The following SLC7A8 variants were observed in gnomAD, a reference collection of about 807,000 sequenced individuals.
SLC7A8 encodes solute carrier family 7 member 8.
In SLC7A8, 30 loss-of-function variants were observed where a neutral mutation model predicts 51.2. The observed-to-expected ratio is 0.59, with a 90% CI of 0.44 to 0.80. The LOEUF (loss-of-function observed/expected upper bound fraction) is 0.80, where lower values mean the gene tolerates loss of function less well. Ranked by LOEUF, SLC7A8 falls within the 30% of genes least tolerant of loss-of-function variation. SLC7A8 has a pLI of 0.00. For missense variants in SLC7A8, 612 were observed against 674.4 expected (o/e 0.91, Z 1.03); for synonymous variants, 257 against 275.8 (o/e 0.93, Z 0.67).
intron 1 of SLC7A8, among the ~76,000 whole-genome samples, chr14:23,169,406 G>C (rs921308342): frequency 1.3e-5 from 2 of 152,112 alleles, no homozygotes; most frequent in South Asian, 2.1e-4. Context: ...AAAATATTGA[G>C]CTACACTAGT....
chr14:23,137,825 C>G, intron 7 of SLC7A8, 96 bp downstream of exon 7: 1 of 1,488,064 alleles, frequency 6.7e-7, no homozygotes, highest in Non-Finnish European at 9.1e-7. Flanking sequence ...GATGCCCACA[C>G]AGACCCCTGC....
chr14:23,165,190 C>G lies in SLC7A8; in HGVS notation c.508+95G>C, dbSNP rs2048942948. On this transcript the variant is annotated intron_variant, in intron 3 of 10. Transcript: ENST00000316902. The surrounding 1 kb of genome is among the most constrained non-coding windows in gnomAD (Gnocchi z 4.2). ...CTATGATCATGCGGCTGCGCTCCAG[C>G]CTGAGTGACAGAGTGAAGACTCTGT... 1.0e-5 allele frequency: 13 copies of G among 1,298,460 alleles called. No individual in the cohort carries two copies. In the South Asian group the frequency reaches 2.2e-4, roughly 22 times the overall value. 80.4% of individuals were successfully genotyped at this position (1,298,460 alleles called of 1,614,324 possible).
chr14:23,177,718 C>T (rs959560520), intron 1 of SLC7A8, among the ~76,000 whole-genome samples: 2 of 152,130 alleles, frequency 1.3e-5, no homozygotes, highest in Non-Finnish European at 1.5e-5. Context: ...GGAATGAATG[C>T]GAGCATGGTC....
At chr14:23,180,043 C>A (rs564366219) in intron 1 of SLC7A8, among the ~76,000 whole-genome samples, 1 of 151,730 alleles carries the variant, frequency 6.6e-6, no homozygotes, top group Non-Finnish European at 1.5e-5. Context: ...GTAGCTGGGA[C>A]TACAGGCATG....
At position 23,125,984 on chromosome 14, in the gene SLC7A8, G is replaced by A. The variant is rs888703298; in HGVS notation, c.*1193C>T. 2 of 152,910 alleles carry A rather than the reference G, an allele frequency of 1.3e-5. No individual in the cohort carries two copies. Among genetic ancestry groups the A allele is most frequent in the Admixed American group, 6.5e-5 (1 of 15,288 alleles). 9.5% of individuals were successfully genotyped at this position (152,910 alleles called of 1,614,324 possible). ...AGCATGACACTGAGACCTGCGAGGA[G>A]TGGGGGATTATTGGAGTTGGGGATG... On this transcript the variant is annotated 3_prime_UTR_variant, in exon 11 of 11. Coordinates refer to ENST00000316902, the MANE Select transcript of SLC7A8 (RefSeq NM_012244.4).
intron 3 of SLC7A8, among the ~76,000 whole-genome samples, chr14:23,160,325 A>C (rs188868038): frequency 1.3e-5 from 2 of 152,312 alleles, no homozygotes; most frequent in East Asian, 1.9e-4. Context: ...TAATCCCAGC[A>C]CTTTGGGAGG....
intron 1 of SLC7A8, among the ~76,000 whole-genome samples, chr14:23,173,387 C>G (rs1222487911): frequency 6.6e-6 from 1 of 152,062 alleles, no homozygotes; most frequent in Non-Finnish European, 1.5e-5. Context: ...CTCAGCTCAG[C>G]AAAGAGAAAA....
intron 10 of SLC7A8, among the ~76,000 whole-genome samples, chr14:23,127,757 C>T (rs1034881193): frequency 1.1e-4 from 17 of 152,248 alleles, no homozygotes; most frequent in African/African-American, 4.1e-4. Context: ...GCTGGGATTA[C>T]AGGCGTGAGC....
At chr14:23,168,731 T>C (rs2048962160) in intron 1 of SLC7A8, among the ~76,000 whole-genome samples, 1 of 152,200 alleles carries the variant, frequency 6.6e-6, no homozygotes, top group African/African-American at 2.4e-5. Flanking sequence ...TTCTCAGGAA[T>C]GAAGAGTGTC....
chr14:23,132,637 C>CTT (rs547398613), intron 7 of SLC7A8, among the ~76,000 whole-genome samples: 3 of 140,378 alleles, frequency 2.1e-5, no homozygotes, highest in Non-Finnish European at 1.6e-5. Context: ...TTATGATCTG[C>CTT]TTTTTTTTTT....
intron 1 of SLC7A8, among the ~76,000 whole-genome samples, chr14:23,170,448 G>A (rs2048970148): frequency 6.6e-6 from 1 of 151,872 alleles, no homozygotes; most frequent in African/African-American, 2.4e-5. Context: ...TCCTGTCTCT[G>A]TTTCTTTCGT....
At chr14:23,130,514 G>A (rs2048622210) in intron 8 of SLC7A8, among the ~76,000 whole-genome samples, 1 of 152,066 alleles carries the variant, frequency 6.6e-6, no homozygotes, top group South Asian at 2.1e-4. Flanking sequence ...TAAAATAATC[G>A]AGAAGATTTT....
chr14:23,153,417 C>T (rs1366393378), intron 3 of SLC7A8, among the ~76,000 whole-genome samples: 1 of 152,176 alleles, frequency 6.6e-6, no homozygotes, highest in Non-Finnish European at 1.5e-5. Flanking sequence ...CTCTGCTTTC[C>T]CTTGGCCGCT....
chr14:23,135,245 G>A (rs147173887), intron 7 of SLC7A8, among the ~76,000 whole-genome samples: 1,827 of 151,772 alleles, frequency 0.012, 38 homozygotes, highest in African/African-American at 0.042. Flanking sequence ...CTGCCACCAC[G>A]CTCAGCTAAT....
At position 23,165,049 on chromosome 14, in the gene SLC7A8, G is replaced by A. The variant is rs547851493; in HGVS notation, c.508+236C>T. ...TCAGAGACATGTAGACCTCCAGGGA[G>A]GATAAAAGAGGCTGTCCCTCAGACT... On this transcript the variant is annotated intron_variant, in intron 3 of 10. Transcript: ENST00000316902. This position sits in a 1 kb window ranked among gnomAD's most constrained non-coding sequence, Gnocchi z 4.2. Among the ~76,000 whole-genome samples the A allele has an allele frequency of 4.4e-4, 66 of 151,424 alleles. No individual in the cohort carries two copies. The highest frequency in any genetic ancestry group is 1.6e-3 in the African/African-American group (65 of 41,244).
chr14:23,131,348 A>C, intron 8 of SLC7A8, 113 bp downstream of exon 8: 3 of 769,838 alleles, frequency 3.9e-6, no homozygotes, highest in Non-Finnish European at 6.0e-6. Flanking sequence ...AGTGAGACCT[A>C]GCAGCAGACT....
rs560795473 is a variant in SLC7A8, at chr14:23,129,460, C to T, written c.1263+190G>A. The T allele has an allele frequency of 6.4e-5, 39 of 607,848 alleles. 1 individual carries two copies. Among genetic ancestry groups the T allele is most frequent in the Non-Finnish European group, 8.5e-5 (30 of 351,478 alleles). 37.7% of individuals were successfully genotyped at this position (607,848 alleles called of 1,614,324 possible). ...CTTATTCCCCAGCTGCAGTCTGCTCCGATCTCATCCCCAGTGGAGAATGGA... is the reference window on the plus strand; with the variant it reads ...CTTATTCCCCAGCTGCAGTCTGCTCTGATCTCATCCCCAGTGGAGAATGGA... On this transcript the variant is annotated intron_variant, in intron 9 of 10. Transcript: ENST00000316902.
intron 1 of SLC7A8, 96 bp from the exon 2 acceptor site, chr14:23,166,636 C>A: frequency 8.0e-7 from 1 of 1,249,922 alleles, no homozygotes; most frequent in Non-Finnish European, 1.2e-6. Context: ...TGATCTGATT[C>A]TGAAATGCCT....
chr14:23,145,040 C>T (rs1480503790), intron 3 of SLC7A8, among the ~76,000 whole-genome samples: 1 of 150,746 alleles, frequency 6.6e-6, no homozygotes, highest in Non-Finnish European at 1.5e-5. Context: ...TCACGCCATT[C>T]TCCTGCCTCA....
Sources: allele counts gnomAD v4.1 joint callset (sites outside exome capture counted in the v4.1 genomes callset), GRCh38; gene constraint gnomAD v4.1.1; non-coding constraint Gnocchi (gnomAD v3.1); transcripts MANE v1.5; gene names NCBI Gene and HGNC (gene_info 2026-07-23, HGNC 2026-07-21).